Variants in TRA2B observed in about 807,000 individuals in gnomAD.
TRA2B encodes the protein transformer-2 protein homolog beta.
In TRA2B, 14 loss-of-function variants were observed where a neutral mutation model predicts 41.7. The observed-to-expected ratio is 0.34, with a 90% CI of 0.22 to 0.53. TRA2B has a LOEUF of 0.53. TRA2B is among the 20% of genes least tolerant of loss of function. TRA2B has a pLI of 0.95. For synonymous variants in TRA2B, 130 were observed against 128.8 expected (o/e 1.01, Z -0.06); for missense variants, 167 against 396.8 (o/e 0.42, Z 4.92).
At chr3:185,931,913 A>G in intron 1 of TRA2B, 3 of 1,228,196 alleles carry the variant, frequency 2.4e-6, no homozygotes, top group Non-Finnish European at 3.2e-6. Context: ...ATCCAGTGCC[A>G]AAACTGAAAC....
chr3:185,920,959 T>G, intron 6 of TRA2B, 145 bp downstream of exon 6: 2 of 533,880 alleles, frequency 3.7e-6, no homozygotes, highest in Non-Finnish European at 6.5e-6. Flanking sequence ...CACAGAACCT[T>G]AGAATCTGAT....
intron 8 of TRA2B, 82 bp downstream of exon 8, chr3:185,918,283 C>A: frequency 1.9e-6 from 2 of 1,036,358 alleles, no homozygotes; most frequent in Non-Finnish European, 2.9e-6. Flanking sequence ...TGAAACCAAT[C>A]CATTATCTGA....
At chr3:185,931,569 G>A in intron 1 of TRA2B, 1 of 1,224,428 alleles carries the variant, frequency 8.2e-7, no homozygotes, top group Non-Finnish European at 1.0e-6. Context: ...AAACAGACTA[G>A]TAATTACTTA....
rs1743545134 is a variant in TRA2B at position 185,917,521 on chromosome 3, G to T, written c.*194C>A. On this transcript the variant is annotated 3_prime_UTR_variant, in exon 9 of 9. Coordinates refer to ENST00000453386, the MANE Select transcript of TRA2B (RefSeq NM_004593.3). ...ATACTTTTCTGAAAACACTTAACTT[G>T]GAACAAAGCACCAAACTACACAAAT... The T allele has an allele frequency of 1.9e-6, 1 of 528,820 alleles. No individual in the cohort carries two copies. The highest frequency in any genetic ancestry group is 3.3e-6 in the Non-Finnish European group (1 of 298,610). 32.8% of individuals were successfully genotyped at this position (528,820 alleles called of 1,614,324 possible).
intron 1 of TRA2B, among the ~76,000 whole-genome samples, chr3:185,930,242 C>T (rs1373546381): frequency 6.6e-6 from 1 of 152,134 alleles, no homozygotes; most frequent in African/African-American, 2.4e-5. Flanking sequence ...TAAAAGAATC[C>T]ATGGGCTTGG....
rs1215237542 is a variant in TRA2B, at chr3:185,936,294, G to A, written c.36+1531C>T. On this transcript the variant is annotated intron_variant, in intron 1 of 8. Coordinates refer to ENST00000453386, the MANE Select transcript of TRA2B (RefSeq NM_004593.3). ...CAGATTCAACTGCCAATGATCAGAAGTCACGACTTTTTAACAACTTTTGAG... is the reference window on the plus strand; with the variant it reads ...CAGATTCAACTGCCAATGATCAGAAATCACGACTTTTTAACAACTTTTGAG... 8.1e-6 allele frequency: 8 copies of A among 985,288 alleles called. No homozygotes were observed. The African/African-American group carries it at 1.2e-4, about 15-fold the overall frequency. The allele number at this position is 985,288 out of a possible 1,614,324, so 61.0% of individuals were successfully genotyped here. A position where few individuals can be genotyped will look rare whatever the true frequency, so the allele number is the denominator to read the frequency against.
At position 185,917,909 on chromosome 3, in the gene TRA2B, TA is replaced by T. The variant is rs370666921; in HGVS notation, c.857-185del. Among the ~76,000 whole-genome samples the T allele has an allele frequency of 2.0e-5, 3 of 152,276 alleles. No homozygotes were observed. In the East Asian group the frequency reaches 5.8e-4, roughly 29 times the overall value. On this transcript the variant is annotated intron_variant, in intron 8 of 8. Transcript: ENST00000453386. ...CCAGAAATGAGATAGCAATCTTAAA[TA>T]ACAGAAATTGCTGGGAAGTATATAA...
At chr3:185,926,782 T>G in intron 1 of TRA2B, 48 bp from the exon 2 acceptor site, 1 of 1,604,800 alleles carries the variant, frequency 6.2e-7, no homozygotes, top group Non-Finnish European at 8.5e-7. Context: ...CTGGGCAACT[T>G]TAAAAACAAA....
In TRA2B at chr3:185,916,489, T is replaced by C. The variant is rs978582842; in HGVS notation, c.*1226A>G. 1.3e-5 allele frequency: 2 copies of C among 152,112 alleles called. No individual in the cohort carries two copies. Among genetic ancestry groups the C allele is most frequent in the African/African-American group, 4.8e-5 (2 of 41,424 alleles). 9.4% of individuals were successfully genotyped at this position (152,112 alleles called of 1,614,324 possible). ...TCATGAAAATTACTTAAATGCAAAA[T>C]AATAAGAACATGTATTAAAGTACCC... On this transcript the variant is annotated 3_prime_UTR_variant, in exon 9 of 9. Coordinates refer to ENST00000453386, the MANE Select transcript of TRA2B (RefSeq NM_004593.3).
Position 185,926,679 on chromosome 3 carries a change from C to G in TRA2B, c.92G>C (p.Arg31Thr). Residue 31 changes from arginine to threonine, a missense_variant, in exon 2 of 9, where the codon AGG becomes ACG. Physicochemically the swap from Arg to Thr is moderately conservative, Grantham distance 71 (BLOSUM62 -1). Coordinates refer to ENST00000453386, the MANE Select transcript of TRA2B (RefSeq NM_004593.3). ...GSAHGSGKSA[R>T]HTPARSRSKE... is the part of the protein sequence containing the mutation. ...GGAGCGAGACCTTGCAGGGGTATGC[C>G]TTGCAGATTTCCCCGATCCGTGAGC... 6.2e-7 allele frequency: 1 copy of G among 1,614,156 alleles called. No homozygotes were observed. The highest frequency in any genetic ancestry group is 1.1e-5 in the South Asian group (1 of 91,086).
At chr3:185,930,441 G>C (rs1560013525) in intron 1 of TRA2B, among the ~76,000 whole-genome samples, 1 of 151,956 alleles carries the variant, frequency 6.6e-6, no homozygotes, top group Non-Finnish European at 1.5e-5. Flanking sequence ...AGGCCTGAAA[G>C]CATCAGAAAA....
intron 4 of TRA2B, 34 bp from the exon 5 acceptor site, chr3:185,922,160 T>G: frequency 6.6e-7 from 1 of 1,507,552 alleles, no homozygotes; most frequent in Non-Finnish European, 9.2e-7. Context: ...ACATACATCC[T>G]GAACAAAGCC....
chr3:185,929,398 C>T (rs899640435), intron 1 of TRA2B, among the ~76,000 whole-genome samples: 1 of 152,166 alleles, frequency 6.6e-6, no homozygotes, highest in Non-Finnish European at 1.5e-5. Flanking sequence ...TCAAATTCCA[C>T]TCTCAGGGCT....
intron 1 of TRA2B, 127 bp downstream of exon 1, chr3:185,937,698 C>T: frequency 7.4e-7 from 1 of 1,345,490 alleles, no homozygotes; most frequent in Non-Finnish European, 1.0e-6. Context: ...GTCTCCCTTG[C>T]CTGCCCTCCC....
In TRA2B at chr3:185,914,817, A is replaced by T. The variant is rs1743447103; in HGVS notation, c.*2898T>A. ...CTCAAAATTTCCATATAATTTACAG[A>T]AATTTTGATAATGCAAACCAAATCT... On this transcript the variant is annotated 3_prime_UTR_variant, in exon 9 of 9. Transcript: ENST00000453386. Among the ~76,000 whole-genome samples, 1 of 152,144 alleles carries T rather than the reference A, an allele frequency of 6.6e-6. No individual in the cohort carries two copies. The highest frequency in any genetic ancestry group is 1.5e-5 in the Non-Finnish European group (1 of 68,040).
In TRA2B at chr3:185,934,727, TAA is replaced by T. The variant is rs147319991; in HGVS notation, c.36+3096_36+3097del. ...GTTTAGGAGCTAAAACCAAGGAATA[TAA>T]AAAGACATCCCAAGATTCAGCAGAA... On this transcript the variant is annotated intron_variant, in intron 1 of 8. Transcript: ENST00000453386. 3.8e-3 allele frequency: 3,771 copies of T among 985,356 alleles called. 106 individuals carry two copies. In the African/African-American group the frequency reaches 0.06, roughly 16 times the overall value. The allele number at this position is 985,356 out of a possible 1,614,324, so 61.0% of individuals were successfully genotyped here.
At chr3:185,936,051 A>T (rs1374925513) in intron 1 of TRA2B, 60 of 985,312 alleles carry the variant, frequency 6.1e-5, no homozygotes, top group Non-Finnish European at 7.1e-5. Context: ...CCTAGTTTCA[A>T]TTGTTTCCCT....
chr3:185,931,485 T>C lies in TRA2B; in HGVS notation c.37-4751A>G, dbSNP rs1038664456. 3.1e-6 allele frequency: 3 copies of C among 960,546 alleles called. No homozygotes were observed. In the African/African-American group the frequency reaches 5.2e-5, roughly 17 times the overall value. The allele number at this position is 960,546 out of a possible 1,614,324, so 59.5% of individuals were successfully genotyped here. A position where few individuals can be genotyped will look rare whatever the true frequency, so the allele number is the denominator to read the frequency against. On this transcript the variant is annotated intron_variant, in intron 1 of 8. Coordinates refer to ENST00000453386, the MANE Select transcript of TRA2B (RefSeq NM_004593.3). ...TTAAACGTTTCCCCTGGAAGGCACTTCTTTACCCTGTATATATTTTCCTCT... is the reference window on the plus strand; with the variant it reads ...TTAAACGTTTCCCCTGGAAGGCACTCCTTTACCCTGTATATATTTTCCTCT...
intron 8 of TRA2B, 38 bp downstream of exon 8, chr3:185,918,327 A>G: frequency 6.8e-7 from 1 of 1,478,382 alleles, no homozygotes; most frequent in Non-Finnish European, 9.5e-7. Flanking sequence ...AGCAAGCCAT[A>G]CTACAATATA....
Sources: gnomAD v4.1 joint callset for allele counts (sites outside exome capture counted in the v4.1 genomes callset) on GRCh38, gnomAD v4.1.1 for gene constraint, MANE v1.5 for transcripts, NCBI Gene and HGNC (gene_info 2026-07-23, HGNC 2026-07-21) for gene names.